The following MDGA2 variants were observed in gnomAD, a reference collection of about 807,000 sequenced individuals.
MDGA2 encodes the protein MAM domain-containing glycosylphosphatidylinositol anchor protein 2.
A neutral mutation model predicts 117.8 loss-of-function variants in MDGA2; 40 were observed. That is an observed-to-expected ratio of 0.34 (90% CI 0.26 to 0.44). The LOEUF (loss-of-function observed/expected upper bound fraction) is 0.44, where lower values mean the gene tolerates loss of function less well. MDGA2 is among the 20% of genes least tolerant of loss of function. The pLI, the probability that MDGA2 is intolerant of heterozygous loss-of-function variation, is 1.00. For synonymous variants in MDGA2, 452 were observed against 439.0 expected, an observed-to-expected ratio of 1.03 and a Z score of -0.37; for missense variants, 1,123 against 1,250.6, an observed-to-expected ratio of 0.90 and a Z score of 1.54.
rs577943784 is a variant in MDGA2 at position 47,138,121 on chromosome 14, C to T, written c.792+5957G>A. Among the ~76,000 whole-genome samples the T allele has an allele frequency of 2.2e-4, 33 of 152,170 alleles. No homozygotes were observed. The East Asian group carries it at 6.0e-3, about 28-fold the overall frequency. On this transcript the variant is annotated intron_variant, in intron 4 of 16. Transcript: ENST00000399232. ...TAAGAAAGCAGAGAATATGTGCACA[C>T]ATAGATTAATGTTATCAAATGGCAT...
chr14:47,010,431 A>G (rs551102969), intron 8 of MDGA2, among the ~76,000 whole-genome samples: 1 of 152,200 alleles, frequency 6.6e-6, no homozygotes, highest in East Asian at 1.9e-4. Context: ...TAGTGGACTT[A>G]CCTGGTTAAC....
At chr14:47,363,620 A>AT (rs1891172578) in intron 1 of MDGA2, among the ~76,000 whole-genome samples, 1 of 152,152 alleles carries the variant, frequency 6.6e-6, no homozygotes, top group Non-Finnish European at 1.5e-5. Context: ...TGCTCATTGA[A>AT]TTATAATAAA....
intron 2 of MDGA2, among the ~76,000 whole-genome samples, chr14:47,277,771 TTGTTCA>T (rs1293541342): frequency 2.0e-5 from 3 of 152,178 alleles, no homozygotes; most frequent in Admixed American, 1.3e-4. Context: ...GAAGGCTAAA[TTGTTCA>T]TGCATTTCTC....
chr14:47,233,969 G>C (rs1300325865), intron 2 of MDGA2, among the ~76,000 whole-genome samples: 1 of 152,074 alleles, frequency 6.6e-6, no homozygotes, highest in Admixed American at 6.6e-5. Flanking sequence ...CAGCCTGTTT[G>C]TTGCCTCCTG....
intron 1 of MDGA2, among the ~76,000 whole-genome samples, chr14:47,369,606 A>G (rs117792673): frequency 2.1e-4 from 32 of 152,288 alleles, no homozygotes; most frequent in Non-Finnish European, 3.7e-4. Flanking sequence ...ATGTTCTCAT[A>G]GTGTCATAGT....
intron 1 of MDGA2, among the ~76,000 whole-genome samples, chr14:47,670,713 T>C (rs979793885): frequency 6.6e-6 from 1 of 152,132 alleles, no homozygotes; most frequent in Non-Finnish European, 1.5e-5. Context: ...ATTAATAACG[T>C]GAAAAATAGA....
At chr14:47,631,566 T>C (rs1450732447) in intron 1 of MDGA2, among the ~76,000 whole-genome samples, 2 of 152,222 alleles carry the variant, frequency 1.3e-5, no homozygotes, top group South Asian at 2.1e-4. Context: ...CACTCATACA[T>C]TACCCTGTTA....
intron 9 of MDGA2, among the ~76,000 whole-genome samples, chr14:46,941,207 T>C (rs924679991): frequency 2.6e-5 from 4 of 152,208 alleles, no homozygotes; most frequent in African/African-American, 9.6e-5. Flanking sequence ...GTCTTTGTCA[T>C]ACATTCTTTT....
chr14:46,863,006 T>C (rs900367464), intron 14 of MDGA2, among the ~76,000 whole-genome samples: 7 of 152,082 alleles, frequency 4.6e-5, no homozygotes, highest in African/African-American at 1.7e-4. Flanking sequence ...TTTTAAATTA[T>C]AGCTTTCCTT....
intron 10 of MDGA2, among the ~76,000 whole-genome samples, chr14:46,909,716 C>G (rs1206075993): frequency 6.6e-6 from 1 of 152,144 alleles, no homozygotes; most frequent in African/African-American, 2.4e-5. Flanking sequence ...AAAATTATGA[C>G]CTATCATTGC....
chr14:47,205,946 G>A lies in MDGA2; in HGVS notation c.595+12075C>T, dbSNP rs17118156. 7.8e-3 allele frequency among the ~76,000 whole-genome samples: 1,188 copies of A among 152,080 alleles called. 17 individuals carry two copies. Among genetic ancestry groups the A allele is most frequent in the African/African-American group, 0.027 (1,138 of 41,508 alleles). On this transcript the variant is annotated intron_variant, in intron 3 of 16. Coordinates refer to ENST00000399232, the MANE Select transcript of MDGA2 (RefSeq NM_001113498.3). Reference sequence around the variant, plus strand: ...GATAATGGTTTGTTGAATGAATACTGAATGCTTCACTATATACTGTACCAT... The same window carrying A: ...GATAATGGTTTGTTGAATGAATACTAAATGCTTCACTATATACTGTACCAT...
intron 1 of MDGA2, among the ~76,000 whole-genome samples, chr14:47,332,463 G>GA (rs1440361637): frequency 7.3e-5 from 11 of 151,538 alleles, no homozygotes; most frequent in South Asian, 2.1e-4. Flanking sequence ...AACCCTATCA[G>GA]AAAAAAAAGA....
chr14:47,559,886 G>T (rs985862893), intron 1 of MDGA2, among the ~76,000 whole-genome samples: 11 of 151,664 alleles, frequency 7.3e-5, no homozygotes, highest in Non-Finnish European at 1.5e-4. Flanking sequence ...TATTTTTATG[G>T]TGGAATGATT....
chr14:47,408,758 C>T (rs1247427715), intron 1 of MDGA2, among the ~76,000 whole-genome samples: 1 of 152,100 alleles, frequency 6.6e-6, no homozygotes, highest in Non-Finnish European at 1.5e-5. Context: ...ATTAAGTGCT[C>T]TTTTTAAAAA....
intron 1 of MDGA2, among the ~76,000 whole-genome samples, chr14:47,543,206 T>C (rs1895387887): frequency 6.6e-6 from 1 of 152,054 alleles, no homozygotes; most frequent in Admixed American, 6.6e-5. Context: ...TAAGACCCTG[T>C]CCCAGCGACA....
intron 6 of MDGA2, among the ~76,000 whole-genome samples, chr14:47,083,799 A>G (rs1325840140): frequency 6.6e-6 from 1 of 152,148 alleles, no homozygotes; most frequent in Non-Finnish European, 1.5e-5. Flanking sequence ...TGTAGACTTT[A>G]GGGCAAAGAA....
At chr14:47,643,712 T>C (rs1409168387) in intron 1 of MDGA2, among the ~76,000 whole-genome samples, 1 of 152,140 alleles carries the variant, frequency 6.6e-6, no homozygotes, top group Non-Finnish European at 1.5e-5. Flanking sequence ...CCTTATGTAA[T>C]AATCTTCATT....
intron 2 of MDGA2, among the ~76,000 whole-genome samples, chr14:47,299,070 T>C (rs1216605292): frequency 2.0e-5 from 3 of 152,124 alleles, no homozygotes; most frequent in Non-Finnish European, 4.4e-5. Context: ...TAAAAAAATA[T>C]TGATACCAAA....
At chr14:47,274,398 A>G (rs1376989961) in intron 2 of MDGA2, among the ~76,000 whole-genome samples, 1 of 151,776 alleles carries the variant, frequency 6.6e-6, no homozygotes, top group African/African-American at 2.4e-5. Flanking sequence ...CTTTTTGCGC[A>G]TGTATTATTA....
Sources: allele counts gnomAD v4.1 joint callset (sites outside exome capture counted in the v4.1 genomes callset), GRCh38; gene constraint gnomAD v4.1.1; transcripts MANE v1.5; gene names NCBI Gene and HGNC (gene_info 2026-07-23, HGNC 2026-07-21).